Variants in A1CF observed in about 807,000 individuals in gnomAD.
The protein encoded by A1CF is APOBEC1 complementation factor, also known as APOBEC-1 stimulating protein.
A1CF carries 48 observed loss-of-function variants against 68.9 expected under a neutral mutation model. The observed-to-expected ratio is 0.70, with a 90% confidence interval of 0.55 to 0.89. The LOEUF (loss-of-function observed/expected upper bound fraction) is 0.89, where lower values mean the gene tolerates loss of function less well. Among genes scored for constraint, A1CF ranks in the 40% least tolerant of loss-of-function variants. The pLI, the probability that A1CF is intolerant of heterozygous loss-of-function variation, is 0.00. For missense variants in A1CF, 653 were observed against 718.9 expected (o/e 0.91, Z 1.05); for synonymous variants, 272 against 260.4 (o/e 1.04, Z -0.43).
At chr10:50,873,503 T>C (rs1171958949) in intron 1 of A1CF, among the ~76,000 whole-genome samples, 5 of 152,158 alleles carry the variant, frequency 3.3e-5, no homozygotes, top group African/African-American at 1.2e-4. Context: ...ATATAATTCA[T>C]TTTTCCTTTT....
intron 3 of A1CF, among the ~76,000 whole-genome samples, chr10:50,847,109 T>C (rs1840037638): frequency 6.6e-6 from 1 of 152,190 alleles, no homozygotes; most frequent in South Asian, 2.1e-4. Context: ...TGCTCTTTTC[T>C]CTCCTAGCTG....
chr10:50,811,833 C>T (rs1455543700), intron 10 of A1CF, among the ~76,000 whole-genome samples: 3 of 152,060 alleles, frequency 2.0e-5, no homozygotes, highest in Non-Finnish European at 4.4e-5. Context: ...TTACTCCAAA[C>T]TGAATATTTT....
At chr10:50,838,140 C>G (rs1022250527) in intron 5 of A1CF, among the ~76,000 whole-genome samples, 2 of 152,170 alleles carry the variant, frequency 1.3e-5, no homozygotes, top group African/African-American at 4.8e-5. Context: ...AATAAAAGCT[C>G]TCAGCCAGGT....
chr10:50,812,298 G>A (rs1179962427), intron 10 of A1CF, among the ~76,000 whole-genome samples: 1 of 152,154 alleles, frequency 6.6e-6, no homozygotes, highest in Admixed American at 6.5e-5. Context: ...TCTGCTTCTG[G>A]CTGGAAGTTC....
At chr10:50,881,959 A>T (rs1841793104) in intron 1 of A1CF, among the ~76,000 whole-genome samples, 1 of 152,260 alleles carries the variant, frequency 6.6e-6, no homozygotes, top group South Asian at 2.1e-4. Flanking sequence ...TCTATATAGG[A>T]TAAAAATCTT....
In A1CF at chr10:50,811,186, TA is replaced by T. The variant is rs1238386823; in HGVS notation, c.1324-11del. 3.1e-6 allele frequency: 5 copies of T among 1,592,848 alleles called. No homozygotes were observed. The highest frequency in any genetic ancestry group is 4.3e-6 in the Non-Finnish European group (5 of 1,169,668). ...AAATCTCTTCTAATATCTACAAGAATAAAAAAAGTTATTTCCCCCTCAAATG... is the reference window on the plus strand; with the variant it reads ...AAATCTCTTCTAATATCTACAAGAATAAAAAAGTTATTTCCCCCTCAAATG... On this transcript the variant is annotated splice_polypyrimidine_tract_variant and intron_variant, in intron 10 of 12. Coordinates refer to ENST00000373997, the MANE Select transcript of A1CF (RefSeq NM_014576.4).
intron 7 of A1CF, chr10:50,823,508 A>C (rs1046574182): frequency 2.0e-5 from 3 of 152,158 alleles, no homozygotes; most frequent in Admixed American, 6.5e-5. Context: ...TGCCAAAGGG[A>C]AGGTTATCAG....
chr10:50,828,415 C>A, intron 6 of A1CF, 120 bp from the exon 7 acceptor site: 1 of 697,210 alleles, frequency 1.4e-6, no homozygotes, highest in Non-Finnish European at 2.2e-6. Flanking sequence ...AGCAAGAAGA[C>A]CATTAAAACT....
intron 3 of A1CF, among the ~76,000 whole-genome samples, chr10:50,857,884 A>G (rs1840561397): frequency 6.6e-6 from 1 of 152,200 alleles, no homozygotes; most frequent in African/African-American, 2.4e-5. Flanking sequence ...GGCTGCTTCA[A>G]ATATCAAAGA....
At chr10:50,867,725 G>A (rs1841058778) in intron 1 of A1CF, among the ~76,000 whole-genome samples, 2 of 152,166 alleles carry the variant, frequency 1.3e-5, no homozygotes, top group African/African-American at 2.4e-5. Context: ...GAGAGGAACA[G>A]AAAGGAGACA....
chr10:50,881,775 C>T (rs932890784), intron 1 of A1CF, among the ~76,000 whole-genome samples: 13 of 152,196 alleles, frequency 8.5e-5, no homozygotes, highest in African/African-American at 2.9e-4. Context: ...AGTCATATTA[C>T]ATCTGGAGCA....
At chr10:50,860,174 T>C (rs1254797928) in intron 2 of A1CF, among the ~76,000 whole-genome samples, 189 bp from the exon 3 acceptor site, 1 of 151,772 alleles carries the variant, frequency 6.6e-6, no homozygotes, top group African/African-American at 2.4e-5. Context: ...ATGCACAATA[T>C]TGGTTGAAAT....
At chr10:50,870,820 C>T (rs1841230144) in intron 1 of A1CF, among the ~76,000 whole-genome samples, 2 of 151,558 alleles carry the variant, frequency 1.3e-5, no homozygotes, top group Non-Finnish European at 3.0e-5. Context: ...CAAAGTAGAA[C>T]ACTAGACCAG....
intron 10 of A1CF, 110 bp downstream of exon 10, chr10:50,813,747 A>G (rs1051515768): frequency 8.7e-7 from 1 of 1,148,632 alleles, no homozygotes; most frequent in African/African-American, 1.6e-5. Context: ...TATATATTAA[A>G]AGAAAAAAAC....
Position 50,801,196 on chromosome 10 carries a change from A to C in A1CF, c.*5533T>G, listed in dbSNP as rs1837586386. The C allele has an allele frequency of 6.6e-6, 1 of 152,294 alleles. No homozygotes were observed. The allele number at this position is 152,294 out of a possible 1,614,324, so 9.4% of individuals were successfully genotyped here. A position where few individuals can be genotyped will look rare whatever the true frequency, so the allele number is the denominator to read the frequency against. The stretch of plus-strand genomic sequence containing the variant: ...CCAAAAATAGGCTGGGTAGAGAGAT[A>C]GTTGGACAGAAAGTGGATTGATGGA... On this transcript the variant is annotated 3_prime_UTR_variant, in exon 13 of 13. Coordinates refer to ENST00000373997, the MANE Select transcript of A1CF (RefSeq NM_014576.4).
chr10:50,880,248 T>C (rs771472502), intron 1 of A1CF, among the ~76,000 whole-genome samples: 8 of 152,186 alleles, frequency 5.3e-5, no homozygotes, highest in Non-Finnish European at 1.2e-4. Context: ...CTGCCCGGAC[T>C]CACTCCTGCA....
At chr10:50,811,592 T>A (rs754558539) in intron 10 of A1CF, among the ~76,000 whole-genome samples, 4 of 152,218 alleles carry the variant, frequency 2.6e-5, no homozygotes, top group Non-Finnish European at 4.4e-5. Context: ...AAGAATATAT[T>A]TTTATTTCGT....
At chr10:50,810,484 A>G (rs957689520) in intron 11 of A1CF, among the ~76,000 whole-genome samples, 7 of 152,124 alleles carry the variant, frequency 4.6e-5, no homozygotes, top group Non-Finnish European at 8.8e-5. Flanking sequence ...AGAATGGGCT[A>G]TAGCTTTGTT....
chr10:50,831,539 A>T lies in A1CF; in HGVS notation c.605-3244T>A, dbSNP rs182054009. Among the ~76,000 whole-genome samples, 12 of 152,092 alleles carry T rather than the reference A, an allele frequency of 7.9e-5. No individual in the cohort carries two copies. In the East Asian group the frequency reaches 2.3e-3, roughly 30 times the overall value. ...AGGTCAGTAGTTCGAGACCAGCCTG[A>T]CCAACATGGAGAAACCCCATCTCTA... On this transcript the variant is annotated intron_variant, in intron 6 of 12. Coordinates refer to ENST00000373997, the MANE Select transcript of A1CF (RefSeq NM_014576.4).
Sources: allele counts gnomAD v4.1 joint callset (sites outside exome capture counted in the v4.1 genomes callset), GRCh38; gene constraint gnomAD v4.1.1; transcripts MANE v1.5; gene names NCBI Gene and HGNC (gene_info 2026-07-23, HGNC 2026-07-21).